RARB: variants seen among roughly 807,000 people sequenced by gnomAD.
The protein encoded by RARB is HBV-activated protein.
A neutral mutation model predicts 51.9 loss-of-function variants in RARB; 17 were observed. The observed-to-expected ratio is 0.33, with a 90% CI of 0.22 to 0.49. The LOEUF is 0.49. RARB is among the 20% of genes least tolerant of loss of function. The pLI is 0.99. For missense variants in RARB, 369 were observed against 550.8 expected, an observed-to-expected ratio of 0.67 and a Z score of 3.30; for synonymous variants, 215 against 195.4, an observed-to-expected ratio of 1.10 and a Z score of -0.84.
chr3:25,022,799 G>GA (rs1697666149), intron 2 of RARB, among the ~76,000 whole-genome samples: 1 of 152,202 alleles, frequency 6.6e-6, no homozygotes, highest in Non-Finnish European at 1.5e-5. Context: ...TGAGTGGCAA[G>GA]AAGCAGCATG....
At chr3:24,833,411 T>C (rs1331970459) in intron 1 of RARB, among the ~76,000 whole-genome samples, 7 of 152,156 alleles carry the variant, frequency 4.6e-5, no homozygotes, top group Admixed American at 4.6e-4. Flanking sequence ...GCCTTCCTCT[T>C]CCCTCCCCAG....
At chr3:25,510,312 C>T (rs955996692) in intron 3 of RARB, among the ~76,000 whole-genome samples, 4 of 152,250 alleles carry the variant, frequency 2.6e-5, no homozygotes, top group Middle Eastern at 3.4e-3. Flanking sequence ...CACCTGTATT[C>T]GCTCCCACAT....
chr3:25,351,175 T>C (rs2125457311), intron 5 of RARB, among the ~76,000 whole-genome samples: 1 of 152,300 alleles, frequency 6.6e-6, no homozygotes, highest in Middle Eastern at 3.4e-3. Context: ...AAAAGAGGCT[T>C]AACCAGGTAG....
chr3:25,513,404 T>A (rs1698002425), intron 3 of RARB, among the ~76,000 whole-genome samples: 1 of 152,164 alleles, frequency 6.6e-6, no homozygotes, highest in Non-Finnish European at 1.5e-5. Context: ...AACTTCTGTC[T>A]GATCTTCCAA....
At chr3:25,321,407 A>G (rs905386191) in intron 5 of RARB, among the ~76,000 whole-genome samples, 5 of 152,146 alleles carry the variant, frequency 3.3e-5, no homozygotes, top group African/African-American at 4.8e-5. Flanking sequence ...TAACAGAGAT[A>G]AAAATAACAT....
intron 5 of RARB, among the ~76,000 whole-genome samples, chr3:25,270,391 G>A (rs1050617392): frequency 6.6e-6 from 1 of 152,076 alleles, no homozygotes; most frequent in Non-Finnish European, 1.5e-5. Flanking sequence ...AAGACAAATA[G>A]TATGTAATTC....
In RARB at chr3:25,429,713, G is replaced by A. The variant is rs143608730; in HGVS notation, c.157+825G>A. On this transcript the variant is annotated intron_variant, in intron 1 of 7. Coordinates refer to ENST00000330688, the MANE Select transcript of RARB (RefSeq NM_000965.5). ...TGTTATCTGATGCTGACACAGTGCC[G>A]AGGTACGCACCTGGTCAACAGTAGC... Among the ~76,000 whole-genome samples, 63 of 152,272 alleles carry A rather than the reference G, an allele frequency of 4.1e-4. No homozygotes were observed. The East Asian group carries it at 8.7e-3, about 21-fold the overall frequency.
chr3:25,136,204 T>C lies in RARB; in HGVS notation c.-280+3996T>C, dbSNP rs146733440. Among the ~76,000 whole-genome samples, 25 of 152,088 alleles carry C rather than the reference T, an allele frequency of 1.6e-4. No homozygotes were observed. The East Asian group carries it at 4.8e-3, about 29-fold the overall frequency. ...AACCCTTGACAGGCATATGTCATGA[T>C]GGGAAGCTTTACTCAAAGGGCTTAT... On this transcript the variant is annotated intron_variant, in intron 4 of 11. Coordinates refer to the RARB transcript ENST00000383772.
At chr3:25,157,350 T>TTGTGTGTGTA (rs1700392932) in intron 4 of RARB, among the ~76,000 whole-genome samples, 1 of 145,000 alleles carries the variant, frequency 6.9e-6, no homozygotes, top group African/African-American at 2.6e-5. Flanking sequence ...GTGTGTGTGT[T>TTGTGTGTGTA]TGTGTGTGTG....
chr3:24,952,774 A>G (rs1452718128), intron 2 of RARB, among the ~76,000 whole-genome samples: 1 of 152,124 alleles, frequency 6.6e-6, no homozygotes, highest in Non-Finnish European at 1.5e-5. Context: ...TCATTACAAA[A>G]ACATCAAACC....
At chr3:25,262,197 A>G (rs1401336444) in intron 5 of RARB, among the ~76,000 whole-genome samples, 2 of 152,044 alleles carry the variant, frequency 1.3e-5, no homozygotes, top group Admixed American at 6.6e-5. Context: ...AACTTCACCA[A>G]AAGGTCTTTT....
intron 1 of RARB, among the ~76,000 whole-genome samples, chr3:24,840,700 G>T (rs1466343346): frequency 7.1e-6 from 1 of 140,974 alleles, no homozygotes; most frequent in South Asian, 2.2e-4. Context: ...ATTTGCTGTT[G>T]CCCCTACAGA....
At chr3:25,436,913 G>A (rs1342456251) in intron 1 of RARB, among the ~76,000 whole-genome samples, 2 of 152,144 alleles carry the variant, frequency 1.3e-5, no homozygotes, top group African/African-American at 2.4e-5. Flanking sequence ...GATAATGCAA[G>A]TAGCCTGCCT....
intron 5 of RARB, among the ~76,000 whole-genome samples, chr3:25,353,949 G>C (rs1477660387): frequency 6.6e-6 from 1 of 152,054 alleles, no homozygotes; most frequent in African/African-American, 2.4e-5. Flanking sequence ...AGTATATTAT[G>C]ACTATATGTT....
At chr3:25,075,263 C>G (rs1698849810) in intron 3 of RARB, among the ~76,000 whole-genome samples, 1 of 152,144 alleles carries the variant, frequency 6.6e-6, no homozygotes, top group Non-Finnish European at 1.5e-5. Context: ...CCATGCAGAT[C>G]CAGCTCTGCT....
At chr3:25,501,109 A>G in intron 2 of RARB, 73 bp from the exon 3 acceptor site, 4 of 1,498,168 alleles carry the variant, frequency 2.7e-6, no homozygotes, top group South Asian at 1.4e-5. Context: ...TAATGCATTG[A>G]TAAGGTTGGC....
chr3:24,900,938 G>A (rs1189238482), intron 2 of RARB, among the ~76,000 whole-genome samples: 1 of 152,140 alleles, frequency 6.6e-6, no homozygotes, highest in African/African-American at 2.4e-5. Flanking sequence ...ATACATACAA[G>A]ATTCATTGAT....
intron 5 of RARB, among the ~76,000 whole-genome samples, chr3:25,586,075 G>T (rs572701141): frequency 2.0e-5 from 3 of 152,074 alleles, no homozygotes; most frequent in African/African-American, 7.2e-5. Context: ...TCACAAGGGC[G>T]CCTCTCTCTG....
intron 2 of RARB, among the ~76,000 whole-genome samples, chr3:24,961,439 T>A (rs986212150): frequency 6.6e-6 from 1 of 152,232 alleles, no homozygotes; most frequent in Non-Finnish European, 1.5e-5. Flanking sequence ...CTGAAATTGA[T>A]AAATCACATT....
Sources: allele counts gnomAD v4.1 joint callset (sites outside exome capture counted in the v4.1 genomes callset), GRCh38; gene constraint gnomAD v4.1.1; transcripts MANE v1.5; gene names NCBI Gene and HGNC (gene_info 2026-07-23, HGNC 2026-07-21).